STXBP4: variants seen among roughly 807,000 people sequenced by gnomAD.
STXBP4 encodes the protein syntaxin-binding protein 4.
In STXBP4, 55 loss-of-function variants were observed where a neutral mutation model predicts 76.1. That is an observed-to-expected ratio of 0.72 (90% CI 0.58 to 0.91). The LOEUF (loss-of-function observed/expected upper bound fraction) is 0.91. Among genes scored for constraint, STXBP4 ranks in the 40% least tolerant of loss-of-function variants. The pLI is 0.00. For synonymous variants in STXBP4, 201 were observed against 220.2 expected (o/e 0.91, Z 0.77); for missense variants, 618 against 636.9 (o/e 0.97, Z 0.32).
chr17:55,080,339 A>G (rs1440175359), intron 15 of STXBP4, among the ~76,000 whole-genome samples: 3 of 152,160 alleles, frequency 2.0e-5, no homozygotes, highest in Admixed American at 6.6e-5. Context: ...AATAAAGGCT[A>G]TGTATTTGAA....
At chr17:55,068,345 A>G (rs1210235194) in intron 12 of STXBP4, among the ~76,000 whole-genome samples, 19 of 152,146 alleles carry the variant, frequency 1.2e-4, no homozygotes, top group Non-Finnish European at 2.8e-4. Flanking sequence ...ACATTTTGAA[A>G]GATTTACTGA....
chr17:55,078,206 T>C lies in STXBP4; in HGVS notation c.1305+12T>C. On this transcript the variant is annotated intron_variant, in intron 14 of 17. Coordinates refer to ENST00000376352, the MANE Select transcript of STXBP4 (RefSeq NM_178509.6). ...TTCATTTTGTAGAGGTAAGTTTTTC[T>C]GTTCTATTACATTCATCTTTAAAAA... 1 of 1,546,248 alleles carries C rather than the reference T, an allele frequency of 6.5e-7. No individual in the cohort carries two copies. Among genetic ancestry groups the C allele is most frequent in the Non-Finnish European group, 8.9e-7 (1 of 1,124,250 alleles).
At chr17:55,067,523 C>T (rs1001923261) in intron 12 of STXBP4, among the ~76,000 whole-genome samples, 3 of 152,034 alleles carry the variant, frequency 2.0e-5, no homozygotes, top group African/African-American at 7.2e-5. Flanking sequence ...ATATGGGAAT[C>T]ATGTGAGAGT....
intron 1 of STXBP4, among the ~76,000 whole-genome samples, chr17:54,973,368 A>AC (rs1455293703): frequency 6.6e-6 from 1 of 152,190 alleles, no homozygotes; most frequent in Non-Finnish European, 1.5e-5. Context: ...ATATTTCTTT[A>AC]CTTTTGTCTC....
At chr17:55,186,234 C>T in the STXBP4 span, among the ~76,000 whole-genome samples, 4 of 152,118 alleles carry the variant, frequency 2.6e-5, no homozygotes, top group Non-Finnish European at 5.9e-5. Flanking sequence ...GACAGGATCT[C>T]GCTCTCTCAC....
intron 4 of STXBP4, among the ~76,000 whole-genome samples, chr17:54,993,228 T>G (rs1567707907): frequency 6.6e-6 from 1 of 152,212 alleles, no homozygotes; most frequent in Non-Finnish European, 1.5e-5. Flanking sequence ...TTGACTATAT[T>G]CTCTACTTAG....
the STXBP4 span, among the ~76,000 whole-genome samples, chr17:55,209,998 A>T: frequency 1.3e-5 from 2 of 152,218 alleles, no homozygotes; most frequent in East Asian, 3.9e-4. Flanking sequence ...GAGCATGTTC[A>T]TGCGTGTGCA....
chr17:55,199,490 C>T, the STXBP4 span, among the ~76,000 whole-genome samples: 1 of 152,190 alleles, frequency 6.6e-6, no homozygotes, highest in Admixed American at 6.5e-5. Context: ...GAAAGACCAT[C>T]GCCATCGTAT....
intron 12 of STXBP4, among the ~76,000 whole-genome samples, chr17:55,069,863 A>C (rs1426528305): frequency 6.6e-6 from 1 of 152,144 alleles, no homozygotes; most frequent in Non-Finnish European, 1.5e-5. Flanking sequence ...GCATGAAGTG[A>C]GTGTGAAGAA....
At chr17:55,094,312 C>T (rs556322267) in intron 16 of STXBP4, among the ~76,000 whole-genome samples, 42 of 151,976 alleles carry the variant, frequency 2.8e-4, no homozygotes, top group African/African-American at 9.9e-4. Context: ...TTTTAAGTGT[C>T]GTAGGAAGGC....
chr17:55,145,647 G>A (rs986673457), intron 17 of STXBP4, among the ~76,000 whole-genome samples: 1 of 152,240 alleles, frequency 6.6e-6, no homozygotes, highest in East Asian at 1.9e-4. Context: ...ATTTTACCTA[G>A]GATGAACAAA....
At chr17:55,028,421 A>G (rs2078452316) in intron 8 of STXBP4, among the ~76,000 whole-genome samples, 1 of 152,166 alleles carries the variant, frequency 6.6e-6, no homozygotes. Context: ...ATAGTGTGAC[A>G]ATTTTTGCAA....
the STXBP4 span, among the ~76,000 whole-genome samples, chr17:55,205,160 A>G: frequency 6.6e-6 from 1 of 152,104 alleles, no homozygotes; most frequent in Non-Finnish European, 1.5e-5. Flanking sequence ...AATTCAGGAG[A>G]ATTTGTCTTT....
the STXBP4 span, among the ~76,000 whole-genome samples, chr17:55,211,799 G>GTTTTTTTTTTTTTTT: frequency 8.2e-5 from 4 of 48,978 alleles, no homozygotes; most frequent in African/African-American, 1.8e-4. Context: ...GTTTTTTGTT[G>GTTTTTTTTTTTTTTT]TTTTTTTTTT....
chr17:54,984,059 C>T (rs185555598), intron 1 of STXBP4, among the ~76,000 whole-genome samples: 9 of 152,182 alleles, frequency 5.9e-5, no homozygotes, highest in Admixed American at 2.0e-4. Flanking sequence ...TCCACTGTTC[C>T]TGTTGCTTGC....
chr17:55,048,867 C>T (rs1415225196), intron 12 of STXBP4, among the ~76,000 whole-genome samples: 1 of 151,664 alleles, frequency 6.6e-6, no homozygotes, highest in Non-Finnish European at 1.5e-5. Flanking sequence ...AACTATAATC[C>T]AAGAAAACTT....
At position 54,970,792 on chromosome 17, in the gene STXBP4, T is replaced by G. The variant is rs943717198; in HGVS notation, c.-157+1977T>G. Among the ~76,000 whole-genome samples the G allele has an allele frequency of 6.6e-5, 10 of 152,224 alleles. 1 individual carries two copies. The highest frequency in any genetic ancestry group is 2.4e-4 in the African/African-American group (10 of 41,456). On this transcript the variant is annotated intron_variant, in intron 1 of 17. Coordinates refer to ENST00000376352, the MANE Select transcript of STXBP4 (RefSeq NM_178509.6). ...TCAGTATACAGTCTTTGTCTTGGAC[T>G]CCAGTATTTCATTTTTTGTATAATA...
chr17:54,969,919 CAG>C (rs2077365271), intron 1 of STXBP4, among the ~76,000 whole-genome samples: 1 of 152,140 alleles, frequency 6.6e-6, no homozygotes, highest in South Asian at 2.1e-4. Context: ...AGATAACAAT[CAG>C]TGCAGTGAAG....
rs1009511908 is a variant in STXBP4 at position 55,168,033 on chromosome 17, A to G, written c.*8122A>G. On this transcript the variant is annotated 3_prime_UTR_variant, in exon 18 of 18. Transcript: ENST00000376352. ...TATCATTCAGAGAAGTAATCTATGC[A>G]TTTAATCTAATGCCAGCTTTTATTT... 9 of 152,212 alleles carry G rather than the reference A, an allele frequency of 5.9e-5. No individual in the cohort carries two copies. The highest frequency in any genetic ancestry group is 1.2e-4 in the Non-Finnish European group (8 of 68,020). 9.4% of individuals were successfully genotyped at this position (152,212 alleles called of 1,614,324 possible).
Sources: gnomAD v4.1 joint callset for allele counts (sites outside exome capture counted in the v4.1 genomes callset) on GRCh38, gnomAD v4.1.1 for gene constraint, MANE v1.5 for transcripts, NCBI Gene and HGNC (gene_info 2026-07-23, HGNC 2026-07-21) for gene names.